Variants in EFR3B observed in about 807,000 individuals in gnomAD.
EFR3B encodes EFR3 homolog B, also known as protein EFR3 homolog B.
EFR3B carries 64 observed loss-of-function variants against 104.7 expected under a neutral mutation model. The observed-to-expected ratio is 0.61, with a 90% CI of 0.50 to 0.75. The LOEUF (loss-of-function observed/expected upper bound fraction) is 0.75, where lower values mean the gene tolerates loss of function less well. Among genes scored for constraint, EFR3B ranks in the 30% least tolerant of loss-of-function variants. The pLI, the probability that EFR3B is intolerant of heterozygous loss-of-function variation, is 0.00. For synonymous variants in EFR3B, 385 were observed against 417.9 expected, an observed-to-expected ratio of 0.92 and a Z score of 0.96; for missense variants, 750 against 1,078.5, an observed-to-expected ratio of 0.70 and a Z score of 4.27.
At chr2:25,091,291 G>A (rs1167461248) in intron 1 of EFR3B, 34 bp from the exon 2 acceptor site, 4 of 1,545,642 alleles carry the variant, frequency 2.6e-6, no homozygotes, top group East Asian at 2.5e-5. Context: ...CGACCAGGAG[G>A]CTTTGCTCAC....
At chr2:25,065,033 T>TGCTGGTG (rs1412458070) in intron 1 of EFR3B, among the ~76,000 whole-genome samples, 1 of 152,064 alleles carries the variant, frequency 6.6e-6, no homozygotes, top group African/African-American at 2.4e-5. Context: ...GGATCTGCAC[T>TGCTGGTG]GCTGGTGTTA....
chr2:25,062,539 C>T (rs188108915), intron 1 of EFR3B, among the ~76,000 whole-genome samples: 36 of 152,330 alleles, frequency 2.4e-4, no homozygotes, highest in African/African-American at 7.9e-4. Context: ...TACTAGGAGA[C>T]GGACGGTCAA....
Position 25,141,447 on chromosome 2 carries a change from G to T in EFR3B, c.1922+14G>T, listed in dbSNP as rs371978789. 1 of 1,550,630 alleles carries T rather than the reference G, an allele frequency of 6.4e-7. No individual in the cohort carries two copies. The highest frequency in any genetic ancestry group is 1.4e-5 in the African/African-American group (1 of 73,116). On this transcript the variant is annotated intron_variant, in intron 17 of 22. Transcript: ENST00000403714. ...GGAGAGGCCCAGGTGAGGAGAGGACGGGGGACGTGGTCAGGGATCCCCAGG... is the reference window on the plus strand; with the variant it reads ...GGAGAGGCCCAGGTGAGGAGAGGACTGGGGACGTGGTCAGGGATCCCCAGG...
At chr2:25,090,243 C>G (rs1455164109) in intron 1 of EFR3B, among the ~76,000 whole-genome samples, 2 of 152,190 alleles carry the variant, frequency 1.3e-5, no homozygotes, top group Non-Finnish European at 2.9e-5. Context: ...TTCCCAGGCC[C>G]CCCGGGCCCC....
intron 1 of EFR3B, among the ~76,000 whole-genome samples, chr2:25,087,374 TATATAC>T (rs1485481998): frequency 6.6e-6 from 1 of 151,650 alleles, no homozygotes; most frequent in Non-Finnish European, 1.5e-5. Flanking sequence ...TATATATATA[TATATAC>T]ACACACACAC....
chr2:25,133,926 A>G (rs1335065093), intron 12 of EFR3B, among the ~76,000 whole-genome samples: 1 of 152,130 alleles, frequency 6.6e-6, no homozygotes, highest in Non-Finnish European at 1.5e-5. Context: ...TTGCTCTCAA[A>G]CACCATTCCG....
In EFR3B at chr2:25,103,677, A is replaced by G. The variant is rs1453169639; in HGVS notation, c.253A>G (p.Met85Val). ...IAMEALDQLL[M>V]ACHCQSINLF... ...TATGGAGGCTTTGGACCAGCTGCTC[A>G]TGGCCTGCCACTGCCAGAGCATCAA... The change falls in exon 4 of 23, where the codon ATG becomes GTG. Residue 85 changes from methionine to valine, a missense_variant. Met to Val is a conservative substitution (Grantham distance 21). Coordinates refer to ENST00000403714, the MANE Select transcript of EFR3B (RefSeq NM_014971.2). The G allele has an allele frequency of 6.4e-7, 1 of 1,551,640 alleles. No homozygotes were observed. The highest frequency in any genetic ancestry group is 1.2e-5 in the South Asian group (1 of 84,060).
Position 25,114,116 on chromosome 2 carries a change from G to A in EFR3B, c.364-7557G>A, listed in dbSNP as rs951656742. Among the ~76,000 whole-genome samples, 12 of 152,124 alleles carry A rather than the reference G, an allele frequency of 7.9e-5. No individual in the cohort carries two copies. The highest frequency in any genetic ancestry group is 2.7e-4 in the African/African-American group (11 of 41,412). Reference sequence around the variant, plus strand: ...TTGGCACATTTCAAGGTGGACTTCCGCAATAGGTGTGGTCCTTTGACCAGG... The same window carrying A: ...TTGGCACATTTCAAGGTGGACTTCCACAATAGGTGTGGTCCTTTGACCAGG... On this transcript the variant is annotated intron_variant, in intron 4 of 22. Transcript: ENST00000403714. The surrounding 1 kb of genome is among the most constrained non-coding windows in gnomAD (Gnocchi z 4.0).
At chr2:25,067,993 A>G (rs183157732) in intron 1 of EFR3B, among the ~76,000 whole-genome samples, 22 of 152,142 alleles carry the variant, frequency 1.4e-4, no homozygotes, top group African/African-American at 4.8e-4. Context: ...CCAGTCCCCT[A>G]TGGATGAGCA....
At chr2:25,065,241 C>T (rs1668300819) in intron 1 of EFR3B, among the ~76,000 whole-genome samples, 1 of 152,064 alleles carries the variant, frequency 6.6e-6, no homozygotes, top group East Asian at 1.9e-4. Context: ...AATTCAGTGG[C>T]ACAGTCATAG....
chr2:25,124,331 T>TGTGTGA (rs1159666538), intron 5 of EFR3B, among the ~76,000 whole-genome samples: 1 of 131,400 alleles, frequency 7.6e-6, no homozygotes, highest in Non-Finnish European at 1.6e-5. Flanking sequence ...TGTGTGTGTG[T>TGTGTGA]GATTCCTCAG....
At chr2:25,145,231 A>G in intron 19 of EFR3B, 180 bp downstream of exon 19, 1 of 619,368 alleles carries the variant, frequency 1.6e-6, no homozygotes, top group Non-Finnish European at 2.9e-6. Context: ...CTTCGGAAAA[A>G]TTGTTAGGGT....
Position 25,139,099 on chromosome 2 carries a change from A to G in EFR3B, c.1763A>G (p.Asn588Ser), listed in dbSNP as rs1473560764. ...AATGAGGAGAACTTGCCTGTCTACA[A>G]CCGCTGTGCCCTCTATGCTCTGGGC... ...QVNEENLPVY[N>S]RCALYALGAA... The change falls in exon 16 of 23, where the codon AAC (asparagine) becomes AGC (serine). Residue 588 changes from asparagine (N) to serine (S), a missense_variant. By Grantham distance (46) the Asn-to-Ser change is conservative. Coordinates refer to ENST00000403714, the MANE Select transcript of EFR3B (RefSeq NM_014971.2). 8 of 1,551,756 alleles carry G rather than the reference A, an allele frequency of 5.2e-6. No homozygotes were observed. The highest frequency in any genetic ancestry group is 7.0e-6 in the Non-Finnish European group (8 of 1,147,002).
chr2:25,158,630 G>T lies in EFR3B; in HGVS notation c.*4290G>T. ...CAGGAAGGGCTTTGTGGCCCTGCTGGGGCCAAAGGCAGTTTTCTGTGCTCC... is the reference window on the plus strand; with the variant it reads ...CAGGAAGGGCTTTGTGGCCCTGCTGTGGCCAAAGGCAGTTTTCTGTGCTCC... On this transcript the variant is annotated 3_prime_UTR_variant, in exon 23 of 23. Transcript: ENST00000403714. 6.6e-6 allele frequency: 1 copy of T among 152,552 alleles called. No individual in the cohort carries two copies. The allele number at this position is 152,552 out of a possible 1,614,324, so 9.4% of individuals were successfully genotyped here.
At chr2:25,052,849 T>C (rs1481017616) in intron 1 of EFR3B, among the ~76,000 whole-genome samples, 1 of 152,180 alleles carries the variant, frequency 6.6e-6, no homozygotes, top group African/African-American at 2.4e-5. Context: ...GATAAATTTG[T>C]CTGTACTAAG....
intron 4 of EFR3B, among the ~76,000 whole-genome samples, chr2:25,115,654 G>A (rs1669837290): frequency 6.6e-6 from 1 of 152,200 alleles, no homozygotes; most frequent in Non-Finnish European, 1.5e-5. Flanking sequence ...GAGATTGGGA[G>A]ATTATCTTGG....
chr2:25,145,140 T>A, intron 19 of EFR3B, 89 bp downstream of exon 19: 3 of 1,162,826 alleles, frequency 2.6e-6, no homozygotes, highest in Non-Finnish European at 3.8e-6. Flanking sequence ...ATAGTGGGCT[T>A]AAGGCTGCAT....
rs141068645 is a variant in EFR3B at position 25,136,634 on chromosome 2, G to T, written c.1560+36G>T. ...ATGACCTCCAGGCACAGTGAAGGGCGGGCACGGTGGCTCACGCCTGCAATC... is the reference window on the plus strand; with the variant it reads ...ATGACCTCCAGGCACAGTGAAGGGCTGGCACGGTGGCTCACGCCTGCAATC... On this transcript the variant is annotated intron_variant, in intron 14 of 22. Transcript: ENST00000403714. The surrounding 1 kb of genome is among the most constrained non-coding windows in gnomAD (Gnocchi z 4.0). 1.2e-5 allele frequency: 18 copies of T among 1,533,486 alleles called. No homozygotes were observed. The highest frequency in any genetic ancestry group is 1.6e-5 in the Non-Finnish European group (18 of 1,131,644). 95.0% of individuals were successfully genotyped at this position (1,533,486 alleles called of 1,614,324 possible).
chr2:25,053,989 A>G (rs1396293823), intron 1 of EFR3B, among the ~76,000 whole-genome samples: 1 of 152,214 alleles, frequency 6.6e-6, no homozygotes, highest in Non-Finnish European at 1.5e-5. Context: ...GGTGCTTCTA[A>G]GAGGTGGACC....
Sources: gnomAD v4.1 joint callset for allele counts (sites outside exome capture counted in the v4.1 genomes callset) on GRCh38, gnomAD v4.1.1 for gene constraint, Gnocchi (gnomAD v3.1) non-coding constraint, MANE v1.5 for transcripts, NCBI Gene and HGNC (gene_info 2026-07-23, HGNC 2026-07-21) for gene names.